Variants in AK5 observed in about 807,000 individuals in gnomAD.
AK5 encodes adenylate kinase isoenzyme 5.
A neutral mutation model predicts 69.5 loss-of-function variants in AK5; 27 were observed. The observed-to-expected ratio is 0.39, with a 90% CI of 0.29 to 0.54. AK5 has a LOEUF of 0.54. AK5 is among the 20% of genes least tolerant of loss of function. The probability of loss-of-function intolerance (pLI) is 0.71; values close to 1 mark genes in which losing one functional copy is unlikely to be tolerated. For missense variants in AK5, 531 were observed against 700.4 expected (o/e 0.76, Z 2.73); for synonymous variants, 260 against 244.4 (o/e 1.06, Z -0.60).
chr1:77,358,385 C>T (rs1322278931), intron 6 of AK5, among the ~76,000 whole-genome samples: 2 of 152,126 alleles, frequency 1.3e-5, no homozygotes, highest in Admixed American at 6.5e-5. Context: ...TTAGAAAACA[C>T]GTGAGAACCC....
At chr1:77,483,940 G>A (rs750130256) in intron 9 of AK5, among the ~76,000 whole-genome samples, 20 of 152,070 alleles carry the variant, frequency 1.3e-4, no homozygotes, top group African/African-American at 1.4e-4. Context: ...CAAGGCGGCC[G>A]GATCACTTGA....
chr1:77,432,932 T>A (rs1651735778), intron 8 of AK5, among the ~76,000 whole-genome samples: 1 of 152,238 alleles, frequency 6.6e-6, no homozygotes, highest in Non-Finnish European at 1.5e-5. Context: ...AAACGCTGCC[T>A]ATAGCATGAA....
intron 12 of AK5, among the ~76,000 whole-genome samples, chr1:77,523,477 A>C (rs1473370547): frequency 1.3e-5 from 2 of 152,340 alleles, no homozygotes; most frequent in Non-Finnish European, 2.9e-5. Flanking sequence ...CTAGTTTTTT[A>C]CAAGATGGAA....
chr1:77,302,299 A>C (rs537583300), intron 5 of AK5, among the ~76,000 whole-genome samples: 9 of 152,322 alleles, frequency 5.9e-5, no homozygotes, highest in African/African-American at 1.2e-4. Context: ...ATTTCCTCTC[A>C]AAAAGAGGAA....
At chr1:77,304,329 G>A (rs541053721) in intron 5 of AK5, among the ~76,000 whole-genome samples, 1 of 151,608 alleles carries the variant, frequency 6.6e-6, no homozygotes, top group Non-Finnish European at 1.5e-5. Flanking sequence ...CATCCATGTT[G>A]TTGCGTATGA....
intron 12 of AK5, among the ~76,000 whole-genome samples, chr1:77,530,816 A>T (rs1179172517): frequency 6.6e-6 from 1 of 152,120 alleles, no homozygotes; most frequent in Non-Finnish European, 1.5e-5. Context: ...CCACTGGTAA[A>T]CGTGGCCTAA....
intron 5 of AK5, among the ~76,000 whole-genome samples, chr1:77,308,451 A>C (rs867348818): frequency 0.01 from 1,364 of 135,478 alleles, 21 homozygotes; most frequent in South Asian, 0.022. Context: ...AAAAAAAAAA[A>C]AAAAAAATCT....
At chr1:77,394,630 CACA>C (rs1648714425) in intron 6 of AK5, among the ~76,000 whole-genome samples, 1 of 151,884 alleles carries the variant, frequency 6.6e-6, no homozygotes, top group Non-Finnish European at 1.5e-5. Flanking sequence ...ATAGTAGGTG[CACA>C]ACAAGTTTTT....
intron 9 of AK5, 141 bp downstream of exon 9, chr1:77,483,500 CTCTTTGGG>C (rs1340440456): frequency 2.9e-6 from 2 of 700,470 alleles, no homozygotes; most frequent in East Asian, 5.3e-5. Flanking sequence ...AAGAGTAGAA[CTCTTTGGG>C]TCTTTCCTGC....
At chr1:77,492,940 T>C (rs1291004194) in intron 10 of AK5, among the ~76,000 whole-genome samples, 2 of 152,164 alleles carry the variant, frequency 1.3e-5, no homozygotes, top group African/African-American at 2.4e-5. Flanking sequence ...AACTTTGAAC[T>C]GGACTATCAA....
chr1:77,527,915 G>A (rs528755422), intron 12 of AK5, among the ~76,000 whole-genome samples: 31 of 152,148 alleles, frequency 2.0e-4, no homozygotes, highest in South Asian at 6.2e-4. Context: ...CAAAATTAGC[G>A]GGACGTGGTG....
chr1:77,498,179 C>T (rs1656469698), intron 10 of AK5, among the ~76,000 whole-genome samples: 1 of 152,096 alleles, frequency 6.6e-6, no homozygotes. Context: ...AAATTTTCTT[C>T]TGGGAAAGGT....
At position 77,340,475 on chromosome 1, in the gene AK5, C is replaced by T; in HGVS notation, c.798C>T (p.Asp266=). 12 of 1,614,094 alleles carry T rather than the reference C, an allele frequency of 7.4e-6. No individual in the cohort carries two copies. The highest frequency in any genetic ancestry group is 2.2e-5 in the East Asian group (1 of 44,878). The change falls in exon 6 of 14, where the codon GAC becomes GAT. Residue 266 remains aspartate (D), a synonymous_variant. Transcript: ENST00000354567. ...CAGAACAGCAGGGCCGACCAGACGA[C>T]AATGTAAAAGCTACCCAAAGGAGAC... ...KRAEQQGRPD[D]NVKATQRRLM...
intron 5 of AK5, among the ~76,000 whole-genome samples, chr1:77,312,020 A>C (rs1406748537): frequency 6.6e-6 from 1 of 152,178 alleles, no homozygotes; most frequent in Non-Finnish European, 1.5e-5. Context: ...TGAAGCAAAA[A>C]AGAAATAATA....
At chr1:77,395,023 C>T (rs1648739208) in intron 6 of AK5, among the ~76,000 whole-genome samples, 1 of 150,280 alleles carries the variant, frequency 6.7e-6, no homozygotes, top group Non-Finnish European at 1.5e-5. Context: ...GAGGGCCCTC[C>T]TCTCCCTCAT....
intron 10 of AK5, among the ~76,000 whole-genome samples, chr1:77,511,790 G>A (rs1294795848): frequency 1.3e-5 from 2 of 152,206 alleles, no homozygotes; most frequent in Non-Finnish European, 1.5e-5. Context: ...TAGAACTGAA[G>A]TAGGGCAAAG....
intron 5 of AK5, among the ~76,000 whole-genome samples, chr1:77,302,841 ATTTC>A: frequency 6.6e-6 from 1 of 152,152 alleles, no homozygotes; most frequent in Non-Finnish European, 1.5e-5. Context: ...CTTTCCAGCC[ATTTC>A]TTTAGCTATG....
At chr1:77,418,926 T>C (rs929270943) in intron 8 of AK5, among the ~76,000 whole-genome samples, 2 of 152,178 alleles carry the variant, frequency 1.3e-5, no homozygotes, top group African/African-American at 2.4e-5. Context: ...CACATGTTTA[T>C]AGTAATTTTT....
chr1:77,497,706 GC>G (rs36083236), intron 10 of AK5, among the ~76,000 whole-genome samples: 23,610 of 151,896 alleles, frequency 0.16, 2,120 homozygotes, highest in South Asian at 0.36. Flanking sequence ...TCCCACCTCG[GC>G]CCCCGGAGTA....
Sources: allele counts gnomAD v4.1 joint callset (sites outside exome capture counted in the v4.1 genomes callset), GRCh38; gene constraint gnomAD v4.1.1; transcripts MANE v1.5; gene names NCBI Gene and HGNC (gene_info 2026-07-23, HGNC 2026-07-21).